Variants in TAFA2 observed in about 807,000 individuals in gnomAD.
TAFA2 encodes the protein TAFA chemokine like family member 2.
In TAFA2, 7 loss-of-function variants were observed where a neutral mutation model predicts 18.8. The observed-to-expected ratio is 0.37, with a 90% CI of 0.21 to 0.70. TAFA2 has a LOEUF of 0.70. Ranked by LOEUF, TAFA2 falls within the 30% of genes least tolerant of loss-of-function variation. The pLI, the probability that TAFA2 is intolerant of heterozygous loss-of-function variation, is 0.53. For synonymous variants in TAFA2, 60 were observed against 54.2 expected, an observed-to-expected ratio of 1.11 and a Z score of -0.47; for missense variants, 122 against 158.1, an observed-to-expected ratio of 0.77 and a Z score of 1.23.
At chr12:62,152,374 A>G (rs2062334384) in intron 1 of TAFA2, among the ~76,000 whole-genome samples, 1 of 152,216 alleles carries the variant, frequency 6.6e-6, no homozygotes, top group Non-Finnish European at 1.5e-5. Flanking sequence ...CCCAAAATTC[A>G]GAAATTCACT....
intron 4 of TAFA2, among the ~76,000 whole-genome samples, chr12:61,744,062 A>G (rs539469146): frequency 1.3e-5 from 2 of 152,240 alleles, no homozygotes; most frequent in African/African-American, 4.8e-5. Context: ...GCTTACCTTT[A>G]AACAAATATC....
At chr12:62,218,500 C>T (rs112953355) in intron 1 of TAFA2, among the ~76,000 whole-genome samples, 3 of 152,124 alleles carry the variant, frequency 2.0e-5, no homozygotes, top group African/African-American at 7.2e-5. Context: ...TGCTATTCAG[C>T]AAAGAAAAAG....
rs181996593 is a variant in TAFA2 at position 62,081,067 on chromosome 12, C to T, written c.-2+110192G>A. Reference sequence around the variant, plus strand: ...AAAATTAGCCGGGCGTAGTGGGGGGCGCCTGTAGTCCCAGCTACTCGGGAG... The same window carrying T: ...AAAATTAGCCGGGCGTAGTGGGGGGTGCCTGTAGTCCCAGCTACTCGGGAG... On this transcript the variant is annotated intron_variant, in intron 1 of 4. Coordinates refer to ENST00000416284, the MANE Select transcript of TAFA2 (RefSeq NM_178539.5). Among the ~76,000 whole-genome samples, 1,456 of 152,038 alleles carry T rather than the reference C, an allele frequency of 9.6e-3. 14 individuals carry two copies. The highest frequency in any genetic ancestry group is 0.016 in the Non-Finnish European group (1,077 of 67,978).
chr12:62,114,703 T>C (rs537372546), intron 1 of TAFA2, among the ~76,000 whole-genome samples: 1 of 152,304 alleles, frequency 6.6e-6, no homozygotes, highest in African/African-American at 2.4e-5. Context: ...GCAAAGTACA[T>C]GGCCGAGGTT....
intron 1 of TAFA2, among the ~76,000 whole-genome samples, chr12:62,218,864 G>A (rs1210685418): frequency 6.6e-6 from 1 of 152,012 alleles, no homozygotes; most frequent in Non-Finnish European, 1.5e-5. Flanking sequence ...TATTCTGAAG[G>A]ACATTTTTCA....
intron 1 of TAFA2, among the ~76,000 whole-genome samples, chr12:62,064,301 C>T (rs1345411359): frequency 6.6e-6 from 1 of 151,940 alleles, no homozygotes; most frequent in South Asian, 2.1e-4. Flanking sequence ...GCTATTTTGC[C>T]ATAGTGTATC....
At chr12:62,089,330 A>G (rs934657620) in intron 1 of TAFA2, among the ~76,000 whole-genome samples, 4 of 152,070 alleles carry the variant, frequency 2.6e-5, no homozygotes, top group Admixed American at 2.0e-4. Context: ...GAATTACTGT[A>G]TGTCACCTGC....
intron 1 of TAFA2, among the ~76,000 whole-genome samples, chr12:61,923,363 C>A (rs1420746003): frequency 1.3e-5 from 2 of 152,144 alleles, no homozygotes; most frequent in Non-Finnish European, 2.9e-5. Context: ...ATGGCAGGTC[C>A]CCCTCTGGGA....
chr12:61,770,468 T>C (rs1015907356), intron 2 of TAFA2, among the ~76,000 whole-genome samples: 8 of 152,018 alleles, frequency 5.3e-5, no homozygotes, highest in African/African-American at 1.9e-4. Context: ...AAGGAAAGAA[T>C]CATAAGAGCT....
chr12:62,218,722 A>G (rs1288841540), intron 1 of TAFA2, among the ~76,000 whole-genome samples: 6 of 152,200 alleles, frequency 3.9e-5, no homozygotes, highest in African/African-American at 1.4e-4. Flanking sequence ...AATATTATAC[A>G]TAGCCATTTA....
At position 61,967,591 on chromosome 12, in the gene TAFA2, TA is replaced by T. The variant is rs1252802145; in HGVS notation, c.-1-100166del. ...CTGGCACTGTTCATTCAATCTATAATAATGCAAGGTGCTGGAAATTGAAGTG... is the reference window on the plus strand; with the variant it reads ...CTGGCACTGTTCATTCAATCTATAATATGCAAGGTGCTGGAAATTGAAGTG... On this transcript the variant is annotated intron_variant, in intron 1 of 4. Transcript: ENST00000416284. Among the ~76,000 whole-genome samples the T allele has an allele frequency of 2.0e-5, 3 of 151,916 alleles. No individual in the cohort carries two copies. The East Asian group carries it at 5.8e-4, about 30-fold the overall frequency.
intron 4 of TAFA2, among the ~76,000 whole-genome samples, chr12:61,727,268 T>C (rs1363824216): frequency 1.3e-5 from 2 of 152,016 alleles, no homozygotes; most frequent in African/African-American, 2.4e-5. Flanking sequence ...TCTCTTTCTG[T>C]ACCTTTTGGA....
intron 1 of TAFA2, among the ~76,000 whole-genome samples, chr12:62,066,673 T>C (rs1882496763): frequency 6.6e-6 from 1 of 152,102 alleles, no homozygotes; most frequent in African/African-American, 2.4e-5. Flanking sequence ...TGAATAGTAC[T>C]TCATTGTGTA....
At chr12:61,768,478 G>T (rs111870925) in intron 2 of TAFA2, among the ~76,000 whole-genome samples, 34 of 152,230 alleles carry the variant, frequency 2.2e-4, no homozygotes, top group African/African-American at 7.9e-4. Context: ...GCCACTGTAG[G>T]TTTCGTGAGA....
Position 62,208,382 on chromosome 12 carries a change from G to A in TAFA2, c.-130+50381C>T, listed in dbSNP as rs571016479. 7.9e-5 allele frequency among the ~76,000 whole-genome samples: 12 copies of A among 152,174 alleles called. No homozygotes were observed. In the South Asian group the frequency reaches 2.1e-3, roughly 26 times the overall value. Reference sequence around the variant, plus strand: ...TAACAGTTTGCACCCATGAATTAATGGGCTGAACATTAGGTTCTATGAATA... The same window carrying A: ...TAACAGTTTGCACCCATGAATTAATAGGCTGAACATTAGGTTCTATGAATA... On this transcript the variant is annotated intron_variant, in intron 1 of 5. Transcript: ENST00000551619.
intron 1 of TAFA2, among the ~76,000 whole-genome samples, chr12:61,883,755 C>T (rs755073293): frequency 1.3e-5 from 2 of 152,252 alleles, no homozygotes; most frequent in Middle Eastern, 3.4e-3. Context: ...GATGTATTCA[C>T]CCAAATCAGG....
intron 1 of TAFA2, among the ~76,000 whole-genome samples, chr12:62,126,470 G>A (rs775705916): frequency 1.3e-5 from 2 of 152,066 alleles, no homozygotes; most frequent in African/African-American, 2.4e-5. Flanking sequence ...CAGAAGGCAG[G>A]TTTGTTTTCT....
intron 1 of TAFA2, among the ~76,000 whole-genome samples, chr12:61,967,958 A>G (rs1019991487): frequency 4.6e-5 from 7 of 151,786 alleles, no homozygotes; most frequent in South Asian, 2.1e-4. Context: ...CAGGCCTGGT[A>G]ATGTTATGGT....
rs139772358 is a variant in TAFA2 at position 62,039,060 on chromosome 12, A to T, written c.-2+152199T>A. On this transcript the variant is annotated intron_variant, in intron 1 of 4. Coordinates refer to ENST00000416284, the MANE Select transcript of TAFA2 (RefSeq NM_178539.5). ...GGGTAAAAGTTTCTGTCCTTGCAACAAGGGACCCACTAAAAAATTCTAGAC... is the reference window on the plus strand; with the variant it reads ...GGGTAAAAGTTTCTGTCCTTGCAACTAGGGACCCACTAAAAAATTCTAGAC... Among the ~76,000 whole-genome samples the T allele has an allele frequency of 2.5e-4, 38 of 152,286 alleles. No individual in the cohort carries two copies. The Middle Eastern group carries it at 0.01, about 41-fold the overall frequency.
Sources: gnomAD v4.1 joint callset for allele counts (sites outside exome capture counted in the v4.1 genomes callset) on GRCh38, gnomAD v4.1.1 for gene constraint, MANE v1.5 for transcripts, NCBI Gene and HGNC (gene_info 2026-07-23, HGNC 2026-07-21) for gene names.